Variants in TMC1 observed in about 807,000 individuals in gnomAD.
The protein encoded by TMC1 is transmembrane channel like 1.
TMC1 carries 84 observed loss-of-function variants against 105.8 expected under a neutral mutation model. The observed-to-expected ratio is 0.79, with a 90% CI of 0.67 to 0.95. TMC1 has a LOEUF of 0.95. Among genes scored for constraint, TMC1 ranks in the 40% least tolerant of loss-of-function variants. TMC1 has a pLI of 0.00. For missense variants in TMC1, 817 were observed against 914.1 expected, an observed-to-expected ratio of 0.89 and a Z score of 1.37; for synonymous variants, 315 against 311.5, an observed-to-expected ratio of 1.01 and a Z score of -0.12.
chr9:72,716,589 C>T (rs1826924160), intron 8 of TMC1, among the ~76,000 whole-genome samples: 1 of 152,182 alleles, frequency 6.6e-6, no homozygotes, highest in Non-Finnish European at 1.5e-5. Context: ...ACTCAAGCCT[C>T]AGCAATGGCA....
intron 8 of TMC1, among the ~76,000 whole-genome samples, chr9:72,733,924 A>G (rs1827256387): frequency 6.6e-6 from 1 of 152,082 alleles, no homozygotes; most frequent in South Asian, 2.1e-4. Context: ...TCTCTTTGGC[A>G]TATCCAAATT....
intron 1 of TMC1, among the ~76,000 whole-genome samples, chr9:72,530,387 G>A (rs1229495356): frequency 6.6e-6 from 1 of 151,750 alleles, no homozygotes; most frequent in Non-Finnish European, 1.5e-5. Context: ...TGTTGCCCAG[G>A]CTGGTCTCAA....
chr9:72,793,229 C>A (rs1431111452), intron 17 of TMC1, among the ~76,000 whole-genome samples: 4 of 152,116 alleles, frequency 2.6e-5, no homozygotes, highest in African/African-American at 7.2e-5. Context: ...GGAGGTTAGA[C>A]CCCCAACCAC....
At chr9:72,767,723 C>T (rs933417900) in intron 12 of TMC1, among the ~76,000 whole-genome samples, 3 of 152,192 alleles carry the variant, frequency 2.0e-5, no homozygotes, top group African/African-American at 7.2e-5. Flanking sequence ...TTTCTGTGCT[C>T]ACTGGGAACT....
At chr9:72,525,008 G>A (rs1361081523) in intron 1 of TMC1, among the ~76,000 whole-genome samples, 1 of 152,176 alleles carries the variant, frequency 6.6e-6, no homozygotes, top group Non-Finnish European at 1.5e-5. Flanking sequence ...TTTTCTTGTA[G>A]AGTTTGTCTT....
intron 5 of TMC1, among the ~76,000 whole-genome samples, chr9:72,663,492 T>C (rs1239315268): frequency 6.6e-6 from 1 of 152,176 alleles, no homozygotes; most frequent in Non-Finnish European, 1.5e-5. Flanking sequence ...CATCTTTGTT[T>C]CAAAGTTAAA....
intron 5 of TMC1, among the ~76,000 whole-genome samples, chr9:72,660,289 G>A (rs1825953227): frequency 1.3e-5 from 2 of 151,990 alleles, no homozygotes; most frequent in Non-Finnish European, 2.9e-5. Context: ...CTTCACACAT[G>A]GTGAGTTTGA....
intron 1 of TMC1, among the ~76,000 whole-genome samples, chr9:72,556,573 C>A (rs1443382741): frequency 6.6e-6 from 1 of 151,278 alleles, no homozygotes; most frequent in Non-Finnish European, 1.5e-5. Context: ...AATCCCAGCA[C>A]TTTGGGAGGC....
At chr9:72,643,394 G>T (rs2132145781) in intron 4 of TMC1, among the ~76,000 whole-genome samples, 1 of 152,112 alleles carries the variant, frequency 6.6e-6, no homozygotes. Context: ...AACTTGAAAA[G>T]TTTGCCATAT....
At chr9:72,752,063 T>TA (rs927821762) in intron 11 of TMC1, 107 bp downstream of exon 11, 8 of 822,906 alleles carry the variant, frequency 9.7e-6, no homozygotes, top group South Asian at 6.9e-5. Context: ...TTTCACGTCT[T>TA]AGAGTCATAG....
intron 17 of TMC1, 129 bp downstream of exon 17, chr9:72,792,481 T>G (rs987282018): frequency 9.1e-7 from 1 of 1,094,502 alleles, no homozygotes; most frequent in Admixed American, 1.8e-5. Context: ...GAATGTTGAC[T>G]GTGTGCTGGC....
intron 7 of TMC1, among the ~76,000 whole-genome samples, chr9:72,699,540 C>T (rs922752928): frequency 3.3e-5 from 5 of 151,986 alleles, no homozygotes; most frequent in East Asian, 1.9e-4. Context: ...AATATTTAAA[C>T]GAAATGTAGA....
chr9:72,671,688 A>G (rs774287675), intron 5 of TMC1, among the ~76,000 whole-genome samples: 5 of 152,170 alleles, frequency 3.3e-5, no homozygotes, highest in Non-Finnish European at 5.9e-5. Flanking sequence ...CCTGGAATCA[A>G]TCCCCCTCAG....
chr9:72,573,278 C>T (rs1824318358), intron 1 of TMC1, among the ~76,000 whole-genome samples: 1 of 152,132 alleles, frequency 6.6e-6, no homozygotes, highest in African/African-American at 2.4e-5. Flanking sequence ...AGTGTCATAC[C>T]TGTTCTAACA....
intron 1 of TMC1, among the ~76,000 whole-genome samples, chr9:72,554,909 C>A (rs1211423237): frequency 6.6e-6 from 1 of 152,108 alleles, no homozygotes; most frequent in East Asian, 1.9e-4. Flanking sequence ...GATGGAGTCT[C>A]ACTCTGCTGC....
intron 2 of TMC1, among the ~76,000 whole-genome samples, chr9:72,614,513 C>T (rs1825088301): frequency 6.6e-6 from 1 of 152,138 alleles, no homozygotes; most frequent in African/African-American, 2.4e-5. Context: ...TTGAGAAAAA[C>T]AGTGGAAGAA....
At chr9:72,710,900 C>T (rs984669414) in intron 8 of TMC1, among the ~76,000 whole-genome samples, 1 of 152,152 alleles carries the variant, frequency 6.6e-6, no homozygotes, top group African/African-American at 2.4e-5. Flanking sequence ...CCGTCATCCA[C>T]ATTGGGTATT....
At position 72,789,173 on chromosome 9, in the gene TMC1, G is replaced by A. The variant is rs1828220657; in HGVS notation, c.1080G>A (p.Leu360=). ...KAAQVEENVH[L]IRFLRFLANF... Reference sequence around the variant, plus strand: ...CCCAAGTAGAAGAAAACGTCCACTTGATCAGATTCCTGAGGTTTCTGGCTA... The same window carrying A: ...CCCAAGTAGAAGAAAACGTCCACTTAATCAGATTCCTGAGGTTTCTGGCTA... The change falls in exon 15 of 24, where the codon TTG becomes TTA. Residue 360 remains leucine (L), a synonymous_variant. Transcript: ENST00000297784. 3.1e-6 allele frequency: 5 copies of A among 1,613,534 alleles called. No homozygotes were observed. In the South Asian group the frequency reaches 5.5e-5, roughly 18 times the overall value.
chr9:72,553,309 C>A (rs1389848739), intron 1 of TMC1, among the ~76,000 whole-genome samples: 2 of 152,028 alleles, frequency 1.3e-5, no homozygotes, highest in African/African-American at 2.4e-5. Context: ...GTATAAAGAT[C>A]AAAGATACAA....
Sources: allele counts gnomAD v4.1 joint callset (sites outside exome capture counted in the v4.1 genomes callset), GRCh38; gene constraint gnomAD v4.1.1; transcripts MANE v1.5; gene names NCBI Gene and HGNC (gene_info 2026-07-23, HGNC 2026-07-21).